Variants in NEK5 observed in about 807,000 individuals in gnomAD.
NEK5 encodes NIMA related kinase 5, also known as serine/threonine-protein kinase Nek5.
NEK5 carries 88 observed loss-of-function variants against 109.2 expected under a neutral mutation model. The ratio of observed to expected loss-of-function variants is 0.81; its 90% CI spans 0.68 to 0.96. The LOEUF is 0.96. NEK5 is among the 40% of genes least tolerant of loss of function. The pLI is 0.00. For synonymous variants in NEK5, 283 were observed against 299.9 expected (o/e 0.94, Z 0.58); for missense variants, 834 against 920.7 (o/e 0.91, Z 1.22).
intron 13 of NEK5, 107 bp downstream of exon 13, chr13:52,092,944 GTTC>G: frequency 2.7e-6 from 2 of 741,124 alleles, no homozygotes; most frequent in Non-Finnish European, 4.3e-6. Context: ...GATTTGGAAA[GTTC>G]TTCTTGGATT....
intron 11 of NEK5, among the ~76,000 whole-genome samples, chr13:52,101,280 G>C (rs1476990327): frequency 2.0e-5 from 3 of 152,056 alleles, no homozygotes; most frequent in Admixed American, 6.6e-5. Flanking sequence ...GGCGGCTGTA[G>C]TCCCAGCTAC....
chr13:52,051,352 A>T (rs575906280), intron 22 of NEK5, among the ~76,000 whole-genome samples: 1 of 152,232 alleles, frequency 6.6e-6, no homozygotes, highest in South Asian at 2.1e-4. Context: ...GCCATTTTCA[A>T]TAACACGTGA....
intron 23 of NEK5, among the ~76,000 whole-genome samples, chr13:52,041,609 T>G (rs1354825308): frequency 6.6e-6 from 1 of 150,924 alleles, no homozygotes; most frequent in Non-Finnish European, 1.5e-5. Flanking sequence ...AAGCCTGTAA[T>G]CCCAGCTACT....
chr13:52,057,750 AAC>A (rs1954573568), intron 22 of NEK5, among the ~76,000 whole-genome samples: 1 of 152,180 alleles, frequency 6.6e-6, no homozygotes, highest in Admixed American at 6.6e-5. Flanking sequence ...AAAATTCAAC[AAC>A]CCTTCATGCT....
At chr13:52,056,776 T>A (rs1366497759) in intron 22 of NEK5, among the ~76,000 whole-genome samples, 4 of 151,538 alleles carry the variant, frequency 2.6e-5, no homozygotes, top group Admixed American at 2.0e-4. Context: ...CATACCAGAA[T>A]CTCTGGGACG....
At chr13:52,101,715 A>G (rs888205440) in intron 11 of NEK5, among the ~76,000 whole-genome samples, 1 of 152,194 alleles carries the variant, frequency 6.6e-6, no homozygotes, top group African/African-American at 2.4e-5. Context: ...TTTCCTGACT[A>G]ACGAGAAGGA....
chr13:52,065,288 T>A (rs1327909478), intron 21 of NEK5, 196 bp downstream of exon 21: 1 of 755,978 alleles, frequency 1.3e-6, no homozygotes, highest in African/African-American at 1.7e-5. Flanking sequence ...ATGTCTAGAG[T>A]GGTCATTTGT....
chr13:52,052,890 A>C (rs1158734876), intron 22 of NEK5, among the ~76,000 whole-genome samples: 1 of 152,148 alleles, frequency 6.6e-6, no homozygotes, highest in Non-Finnish European at 1.5e-5. Flanking sequence ...TTTAGATCTA[A>C]GTTCTGTGCC....
At chr13:52,056,210 A>G (rs1196554807) in intron 22 of NEK5, among the ~76,000 whole-genome samples, 1 of 151,446 alleles carries the variant, frequency 6.6e-6, no homozygotes, top group Non-Finnish European at 1.5e-5. Flanking sequence ...AGGCCATTAC[A>G]TAATGGTAAA....
At chr13:52,102,701 A>C (rs1041446507) in intron 9 of NEK5, among the ~76,000 whole-genome samples, 2 of 152,218 alleles carry the variant, frequency 1.3e-5, no homozygotes, top group Admixed American at 6.5e-5. Flanking sequence ...TCAATCAAAA[A>C]ATAAAAAAGA....
intron 14 of NEK5, 145 bp from the exon 15 acceptor site, chr13:52,087,599 AT>A (rs1955177106): frequency 4.1e-6 from 2 of 489,886 alleles, no homozygotes; most frequent in Non-Finnish European, 7.2e-6. Context: ...AAGTAGTAGA[AT>A]TTTCTTAATT....
At position 52,099,736 on chromosome 13, in the gene NEK5, G is replaced by C; in HGVS notation, c.1026+7C>G. The C allele has an allele frequency of 6.2e-7, 1 of 1,611,736 alleles. No individual in the cohort carries two copies. Among genetic ancestry groups the C allele is most frequent in the Non-Finnish European group, 8.5e-7 (1 of 1,179,114 alleles). On this transcript the variant is annotated splice_region_variant and intron_variant, in intron 12 of 23. Coordinates refer to ENST00000684899, the MANE Select transcript of NEK5 (RefSeq NM_001365552.1). Reference sequence around the variant, plus strand: ...AAAAACACAAAGGAGGGTTTAGAATGACTTACAGATCTGGCCTTCTGGGCT... The same window carrying C: ...AAAAACACAAAGGAGGGTTTAGAATCACTTACAGATCTGGCCTTCTGGGCT...
intron 23 of NEK5, among the ~76,000 whole-genome samples, 153 bp downstream of exon 23, chr13:52,049,951 T>C (rs1182800416): frequency 6.6e-6 from 1 of 152,190 alleles, no homozygotes; most frequent in African/African-American, 2.4e-5. Context: ...AATGATGCCA[T>C]TGGAGAAGAA....
intron 7 of NEK5, among the ~76,000 whole-genome samples, chr13:52,109,316 C>A (rs930164111): frequency 1.3e-5 from 2 of 152,140 alleles, no homozygotes; most frequent in Admixed American, 6.6e-5. Flanking sequence ...GCACAGTTGA[C>A]CAGCATTAAC....
rs147790158 is a variant in NEK5 at position 52,056,291 on chromosome 13, A to G, written c.2110+5528T>C. 3.9e-3 allele frequency among the ~76,000 whole-genome samples: 599 copies of G among 152,278 alleles called. 3 individuals are homozygous for G. The highest frequency in any genetic ancestry group is 0.013 in the African/African-American group (540 of 41,542). Reference sequence around the variant, plus strand: ...ACCCAATACAGGAGCACCCAGATTCATAAAGCAAGTCCTGAGCCACCTACA... The same window carrying G: ...ACCCAATACAGGAGCACCCAGATTCGTAAAGCAAGTCCTGAGCCACCTACA... On this transcript the variant is annotated intron_variant, in intron 22 of 23. Coordinates refer to ENST00000684899, the MANE Select transcript of NEK5 (RefSeq NM_001365552.1).
At chr13:52,119,268 C>A in intron 4 of NEK5, 51 bp downstream of exon 4, 1 of 987,938 alleles carries the variant, frequency 1.0e-6, no homozygotes, top group South Asian at 1.8e-5. Context: ...TTACATATGT[C>A]AACATGCCTA....
At chr13:52,099,647 CGACAGAGCGA>C (rs1955488963) in intron 12 of NEK5, 86 bp downstream of exon 12, 1 of 1,362,364 alleles carries the variant, frequency 7.3e-7, no homozygotes, top group African/African-American at 1.5e-5. Context: ...TCCAGCCTGG[CGACAGAGCGA>C]GACTCCGTCT....
intron 3 of NEK5, among the ~76,000 whole-genome samples, chr13:52,119,983 T>C (rs1320362496): frequency 2.0e-5 from 3 of 152,176 alleles, no homozygotes; most frequent in Non-Finnish European, 4.4e-5. Flanking sequence ...TTGGTGCCAG[T>C]ACCAGTGGCC....
At chr13:52,058,991 GA>G (rs1365875961) in intron 22 of NEK5, among the ~76,000 whole-genome samples, 2 of 130,482 alleles carry the variant, frequency 1.5e-5, no homozygotes, top group Non-Finnish European at 3.2e-5. Flanking sequence ...CACAGCAAAA[GA>G]AACTACCATC....
Sources: allele counts gnomAD v4.1 joint callset (sites outside exome capture counted in the v4.1 genomes callset), GRCh38; gene constraint gnomAD v4.1.1; transcripts MANE v1.5; gene names NCBI Gene and HGNC (gene_info 2026-07-23, HGNC 2026-07-21).